CCNI: variants seen among roughly 807,000 people sequenced by gnomAD.
The protein encoded by CCNI is cyclin-I.
Under a neutral mutation model 34.1 loss-of-function variants are expected in CCNI, and 14 were observed. That is an observed-to-expected ratio of 0.41 (90% CI 0.27 to 0.64). The LOEUF is 0.64. CCNI is among the 30% of genes least tolerant of loss of function. The pLI, the probability that CCNI is intolerant of heterozygous loss-of-function variation, is 0.31. For missense variants in CCNI, 385 were observed against 440.5 expected (o/e 0.87, Z 1.13); for synonymous variants, 154 against 158.4 (o/e 0.97, Z 0.21).
intron 2 of CCNI, among the ~76,000 whole-genome samples, chr4:77,064,035 A>T (rs4252838): frequency 0.24 from 35,797 of 151,954 alleles, 5,065 homozygotes; most frequent in East Asian, 0.38. Flanking sequence ...TGAGGTGAGG[A>T]GTTCGAGACC....
intron 6 of CCNI, among the ~76,000 whole-genome samples, chr4:77,052,375 G>A (rs1472403132): frequency 2.6e-5 from 4 of 152,070 alleles, no homozygotes; most frequent in African/African-American, 9.7e-5. Context: ...GAACTACAAA[G>A]ACCACCACAC....
chr4:77,060,667 A>C (rs1728547563), intron 2 of CCNI, among the ~76,000 whole-genome samples: 1 of 148,922 alleles, frequency 6.7e-6, no homozygotes. Flanking sequence ...TCTGTCACCC[A>C]GGCTGGAGTG....
rs1729866148 is a variant in CCNI, at chr4:77,075,519, C to T, written c.-91G>A. The T allele has an allele frequency of 9.1e-6, 9 of 988,688 alleles. No homozygotes were observed. Among genetic ancestry groups the T allele is most frequent in the Non-Finnish European group, 9.6e-6 (8 of 830,794 alleles). The allele number at this position is 988,688 out of a possible 1,614,324, so 61.2% of individuals were successfully genotyped here. A position where few individuals can be genotyped will look rare whatever the true frequency, so the allele number is the denominator to read the frequency against. ...TCCTCCTCCCCGGCAGAGCTGTAGGCCTCACAGTGGTGACGCGGGGTCATC... is the reference window on the plus strand; with the variant it reads ...TCCTCCTCCCCGGCAGAGCTGTAGGTCTCACAGTGGTGACGCGGGGTCATC... On this transcript the variant is annotated 5_prime_UTR_variant, in exon 1 of 7. Transcript: ENST00000237654.
chr4:77,064,067 C>A (rs557216931), intron 2 of CCNI, among the ~76,000 whole-genome samples: 1 of 152,076 alleles, frequency 6.6e-6, no homozygotes, highest in African/African-American at 2.4e-5. Flanking sequence ...CATGGTGAAA[C>A]CCTGTCCCTA....
At chr4:77,055,119 A>G (rs765526108) in intron 6 of CCNI, 31 bp downstream of exon 6, 1 of 1,436,922 alleles carries the variant, frequency 7.0e-7, no homozygotes, top group East Asian at 2.3e-5. Flanking sequence ...AAAACTTAAA[A>G]AGAACACTAT....
chr4:77,066,215 T>C, intron 2 of CCNI, 34 bp downstream of exon 2: 1 of 1,573,480 alleles, frequency 6.4e-7, no homozygotes, highest in Non-Finnish European at 8.7e-7. Flanking sequence ...TTATTTCTAA[T>C]AAAATTCATC....
intron 6 of CCNI, among the ~76,000 whole-genome samples, chr4:77,051,928 A>G (rs1391988051): frequency 6.6e-6 from 1 of 151,184 alleles, no homozygotes; most frequent in Admixed American, 6.6e-5. Flanking sequence ...GAACCAGGAG[A>G]CTGGTGGGGA....
chr4:77,074,362 G>A (rs939674662), intron 1 of CCNI, among the ~76,000 whole-genome samples: 3 of 152,076 alleles, frequency 2.0e-5, no homozygotes, highest in Non-Finnish European at 4.4e-5. Context: ...CATCTATTCC[G>A]TCCATTATTT....
rs774464219 is a variant in CCNI at position 77,055,992 on chromosome 4, G to C, written c.429C>G (p.His143Gln). The change falls in exon 5 of 7, where the codon CAC (histidine) becomes CAG (glutamine). Residue 143 changes from histidine (H) to glutamine (Q), a missense_variant. Physicochemically the swap from His to Gln is conservative, Grantham distance 24. Around this residue, in one of 2 missense-constraint regions of CCNI, gnomAD observed 135 missense variants for 191.8 expected, o/e 0.70. Coordinates refer to ENST00000237654, the MANE Select transcript of CCNI (RefSeq NM_006835.3). The stretch of plus-strand genomic sequence containing the variant: ...GAAGAAAATCCAATGGTGTGGCTGT[G>C]TGAAGATCCCAATTCAACTTATCCA... ...IILDKLNWDL[H>Q]TATPLDFLHI... 3.7e-6 allele frequency: 6 copies of C among 1,613,186 alleles called. No homozygotes were observed. The highest frequency in any genetic ancestry group is 5.1e-6 in the Non-Finnish European group (6 of 1,179,338).
intron 3 of CCNI, among the ~76,000 whole-genome samples, chr4:77,057,525 T>C (rs1244848302): frequency 6.6e-6 from 1 of 152,202 alleles, no homozygotes; most frequent in Admixed American, 6.5e-5. Context: ...AATTGACAGT[T>C]CCCCCAGTTT....
intron 1 of CCNI, among the ~76,000 whole-genome samples, chr4:77,073,819 T>C (rs1399898412): frequency 1.3e-5 from 2 of 152,230 alleles, no homozygotes; most frequent in African/African-American, 2.4e-5. Context: ...CCTTTCCTAA[T>C]AATGAATTCT....
intron 4 of CCNI, 26 bp downstream of exon 4, chr4:77,056,223 A>C: frequency 6.2e-7 from 1 of 1,602,804 alleles, no homozygotes; most frequent in Non-Finnish European, 8.5e-7. Flanking sequence ...TCACGGAAGA[A>C]ACATTATCTT....
At chr4:77,070,169 C>T (rs1467819925) in intron 1 of CCNI, among the ~76,000 whole-genome samples, 1 of 151,950 alleles carries the variant, frequency 6.6e-6, no homozygotes, top group Non-Finnish European at 1.5e-5. Flanking sequence ...AGGCACACAC[C>T]ACCACACATG....
At chr4:77,049,681 TAAA>T (rs34290249) in intron 6 of CCNI, among the ~76,000 whole-genome samples, 6 of 136,194 alleles carry the variant, frequency 4.4e-5, no homozygotes, top group African/African-American at 5.3e-5. Context: ...GACTCTGTCT[TAAA>T]AAAAAAAAAA....
chr4:77,069,282 T>C (rs1051206122), intron 1 of CCNI, among the ~76,000 whole-genome samples: 25 of 152,036 alleles, frequency 1.6e-4, no homozygotes, highest in African/African-American at 5.8e-4. Flanking sequence ...GCAGGCGTGG[T>C]GGCACGTGCC....
chr4:77,066,117 G>GA (rs1729017614), intron 2 of CCNI, 132 bp downstream of exon 2: 2 of 710,432 alleles, frequency 2.8e-6, no homozygotes, highest in African/African-American at 3.6e-5. Context: ...AAGAAACAGG[G>GA]AGAGTCTCTC....
At chr4:77,075,020 G>A (rs1337435965) in intron 1 of CCNI, 1 of 130,560 alleles carries the variant, frequency 7.7e-6, no homozygotes, top group Admixed American at 8.7e-5. Flanking sequence ...CAGCACCGGA[G>A]GTTCACCCCA....
chr4:77,050,732 A>C (rs1047496050), intron 6 of CCNI, among the ~76,000 whole-genome samples: 1 of 152,144 alleles, frequency 6.6e-6, no homozygotes, highest in African/African-American at 2.4e-5. Context: ...CATTTAGGCT[A>C]GGTCTTATTA....
At chr4:77,066,840 G>C (rs1252134571) in intron 1 of CCNI, among the ~76,000 whole-genome samples, 1 of 152,160 alleles carries the variant, frequency 6.6e-6, no homozygotes, top group Non-Finnish European at 1.5e-5. Flanking sequence ...CACTTCTTCA[G>C]TATGAAACCA....
Sources: gnomAD v4.1 joint callset for allele counts (sites outside exome capture counted in the v4.1 genomes callset) on GRCh38, gnomAD v4.1.1 for gene constraint, gnomAD v4.1.1 regional missense constraint, MANE v1.5 for transcripts, NCBI Gene and HGNC (gene_info 2026-07-23, HGNC 2026-07-21) for gene names.